The following TRRAP variants were observed in gnomAD, a reference collection of about 807,000 sequenced individuals.
TRRAP encodes transformation/transcription domain-associated protein.
In TRRAP, 41 loss-of-function variants were observed where a neutral mutation model predicts 438.8. The observed-to-expected ratio is 0.09, with a 90% confidence interval of 0.07 to 0.12. The LOEUF is 0.12. Ranked by LOEUF, TRRAP falls within the 10% of genes least tolerant of loss-of-function variation. The pLI is 1.00. For synonymous variants in TRRAP, 1,994 were observed against 1,962.9 expected (o/e 1.02, Z -0.42); for missense variants, 3,122 against 5,055.1 (o/e 0.62, Z 11.60).
chr7:99,000,678 C>T (rs1454441571), intron 67 of TRRAP, among the ~76,000 whole-genome samples: 1 of 152,218 alleles, frequency 6.6e-6, no homozygotes, highest in East Asian at 1.9e-4. Context: ...TCTGCCCCAG[C>T]GCTGGGATCA....
chr7:98,921,306 A>G (rs1209077483), intron 20 of TRRAP, among the ~76,000 whole-genome samples: 2 of 152,192 alleles, frequency 1.3e-5, no homozygotes, highest in African/African-American at 4.8e-5. Context: ...GGTTTCTCCA[A>G]AGAAGGGAGA....
chr7:98,912,745 A>C (rs1789332327), intron 18 of TRRAP, among the ~76,000 whole-genome samples: 1 of 152,096 alleles, frequency 6.6e-6, no homozygotes, highest in Non-Finnish European at 1.5e-5. Flanking sequence ...CTACCTCTCA[A>C]ATATGGTGTG....
rs561554845 is a variant in TRRAP at position 98,919,460 on chromosome 7, G to A, written c.2622+1781G>A. On this transcript the variant is annotated intron_variant, in intron 20 of 72. Transcript: ENST00000456197. The stretch of plus-strand genomic sequence containing the variant: ...TACTAAAAATACAGAAAATTAGCTG[G>A]ATGTGGTGGTACATGCCTGTAGTCC... Among the ~76,000 whole-genome samples, 5 of 152,312 alleles carry A rather than the reference G, an allele frequency of 3.3e-5. No homozygotes were observed. In the South Asian group the frequency reaches 1.0e-3, roughly 32 times the overall value.
intron 70 of TRRAP, among the ~76,000 whole-genome samples, chr7:99,008,989 G>A (rs1000449633): frequency 2.0e-5 from 3 of 152,168 alleles, no homozygotes; most frequent in African/African-American, 7.2e-5. Flanking sequence ...TAGGCGATGT[G>A]CAGCATGTGT....
At chr7:98,896,499 T>G (rs1554405763) in intron 7 of TRRAP, among the ~76,000 whole-genome samples, 1 of 152,080 alleles carries the variant, frequency 6.6e-6, no homozygotes, top group East Asian at 1.9e-4. Flanking sequence ...AGCCTCCACC[T>G]TCTGAGTTCA....
intron 58 of TRRAP, among the ~76,000 whole-genome samples, chr7:98,981,112 T>G (rs1004727289): frequency 6.6e-6 from 1 of 151,744 alleles, no homozygotes; most frequent in Non-Finnish European, 1.5e-5. Context: ...GCTTAAAATG[T>G]GCTGATTGGC....
chr7:98,882,016 A>T lies in TRRAP; in HGVS notation c.142A>T (p.Asn48Tyr). 1 of 1,611,506 alleles carries T rather than the reference A, an allele frequency of 6.2e-7. No homozygotes were observed. Among genetic ancestry groups the T allele is most frequent in the Non-Finnish European group, 8.5e-7 (1 of 1,179,478 alleles). Residue 48 changes from asparagine (N) to tyrosine (Y), a missense_variant, in exon 3 of 73, where the codon AAT becomes TAT. Around this residue, in one of 24 missense-constraint regions of TRRAP, gnomAD observed 343 missense variants for 564.0 expected, o/e 0.61. Transcript: ENST00000456197. ...GAAAATGATGCAAGAAGTTAGTGAA[A>T]ATTTTGAGGTATGAGCATTATATTT... is the stretch of plus-strand genomic sequence containing the variant. ...KLKMMQEVSE[N>Y]FENVTSSPQY...
intron 23 of TRRAP, among the ~76,000 whole-genome samples, chr7:98,929,359 C>T (rs1790217893): frequency 6.6e-6 from 1 of 152,120 alleles, no homozygotes. Context: ...AAGTACTGGG[C>T]TTATTTAATT....
chr7:98,986,982 C>A (rs1793177651), intron 62 of TRRAP, among the ~76,000 whole-genome samples: 1 of 152,118 alleles, frequency 6.6e-6, no homozygotes, highest in Non-Finnish European at 1.5e-5. Flanking sequence ...GGTCTTGACA[C>A]CCTCATCAAA....
chr7:99,011,627 A>G lies in TRRAP; in HGVS notation c.11337+92A>G. 3 of 1,440,482 alleles carry G rather than the reference A, an allele frequency of 2.1e-6. No individual in the cohort carries two copies. Among genetic ancestry groups the G allele is most frequent in the Non-Finnish European group, 2.8e-6 (3 of 1,065,450 alleles). The allele number at this position is 1,440,482 out of a possible 1,614,324, so 89.2% of individuals were successfully genotyped here. On this transcript the variant is annotated intron_variant, in intron 72 of 72. Transcript: ENST00000456197. The surrounding 1 kb of genome is among the most constrained non-coding windows in gnomAD (Gnocchi z 7.1). Reference sequence around the variant, plus strand: ...CTTGCAGGAGCTGCTGATGTGCCTCACGGGCTCTGCGCTCTCCACAGTGGC... The same window carrying G: ...CTTGCAGGAGCTGCTGATGTGCCTCGCGGGCTCTGCGCTCTCCACAGTGGC...
chr7:98,995,229 C>T (rs868864225), intron 67 of TRRAP, among the ~76,000 whole-genome samples: 3 of 151,806 alleles, frequency 2.0e-5, no homozygotes, highest in Non-Finnish European at 4.4e-5. Context: ...CCTGGTGAGC[C>T]GGTGGGAGAT....
Position 98,956,324 on chromosome 7 carries a change from G to T in TRRAP, c.6096+20G>T. 1 of 1,613,876 alleles carries T rather than the reference G, an allele frequency of 6.2e-7. No individual in the cohort carries two copies. The highest frequency in any genetic ancestry group is 8.5e-7 in the Non-Finnish European group (1 of 1,179,804). On this transcript the variant is annotated intron_variant, in intron 42 of 72. Coordinates refer to ENST00000456197, the MANE Select transcript of TRRAP (RefSeq NM_001375524.1). The surrounding 1 kb of genome is among the most constrained non-coding windows in gnomAD (Gnocchi z 4.5). The stretch of plus-strand genomic sequence containing the variant: ...CAGCAGGTAGGGGTGTCAGCCTCAG[G>T]GGTGCCCCGATCGTCTTCCTTTGAC...
At position 99,005,239 on chromosome 7, in the gene TRRAP, C is replaced by T. The variant is rs1312442148; in HGVS notation, c.10644C>T (p.Ala3548=). ...ACCCATACCTCGTCATGAACGACGCCTGCCTCACAGAGTCACGGCGAGAGG... is the reference window on the plus strand; with the variant it reads ...ACCCATACCTCGTCATGAACGACGCTTGCCTCACAGAGTCACGGCGAGAGG... ...KIYPYLVMND[A]CLTESRREER... is the part of the protein sequence containing the mutation. The change falls in exon 69 of 73, where the codon GCC becomes GCT. Residue 3548 remains alanine, a synonymous_variant. Coordinates refer to ENST00000456197, the MANE Select transcript of TRRAP (RefSeq NM_001375524.1). The surrounding 1 kb of genome is among the most constrained non-coding windows in gnomAD (Gnocchi z 5.1). 7 of 1,614,198 alleles carry T rather than the reference C, an allele frequency of 4.3e-6. No homozygotes were observed. The highest frequency in any genetic ancestry group is 5.9e-6 in the Non-Finnish European group (7 of 1,180,042).
intron 3 of TRRAP, among the ~76,000 whole-genome samples, chr7:98,889,877 C>G (rs1381291129): frequency 6.6e-6 from 1 of 152,044 alleles, no homozygotes; most frequent in Non-Finnish European, 1.5e-5. Context: ...CTTTTAAAAT[C>G]AGTACTAGGA....
Position 98,921,782 on chromosome 7 carries a change from T to G in TRRAP, c.2652T>G (p.Ala884=). The change falls in exon 21 of 73, where the codon GCT becomes GCG. Residue 884 remains alanine, a synonymous_variant. Coordinates refer to ENST00000456197, the MANE Select transcript of TRRAP (RefSeq NM_001375524.1). The part of the protein sequence containing the change: ...QALWRTLRNP[A]DSISHVAYRV... Reference sequence around the variant, plus strand: ...TGTGGCGCACCTTACGCAACCCTGCTGACAGCATCTCCCACGTGGCCTACC... The same window carrying G: ...TGTGGCGCACCTTACGCAACCCTGCGGACAGCATCTCCCACGTGGCCTACC... The G allele has an allele frequency of 6.2e-7, 1 of 1,614,214 alleles. No individual in the cohort carries two copies. The highest frequency in any genetic ancestry group is 8.5e-7 in the Non-Finnish European group (1 of 1,180,040).
In TRRAP at chr7:98,880,672, A is replaced by G. The variant is rs75475732; in HGVS notation, c.-61-418A>G. On this transcript the variant is annotated intron_variant, in intron 1 of 72. Coordinates refer to ENST00000456197, the MANE Select transcript of TRRAP (RefSeq NM_001375524.1). ...TAAATGAGAGTTATATGAAATTCAG[A>G]TTTCAGTGTCCATAAATAAAGTTTT... Among the ~76,000 whole-genome samples the G allele has an allele frequency of 3.3e-3, 504 of 152,306 alleles. 2 individuals carry two copies. The highest frequency in any genetic ancestry group is 0.011 in the African/African-American group (464 of 41,568).
intron 69 of TRRAP, among the ~76,000 whole-genome samples, chr7:99,006,786 T>C (rs1015447634): frequency 1.3e-5 from 2 of 152,248 alleles, no homozygotes; most frequent in Non-Finnish European, 2.9e-5. Context: ...CAACAAGATA[T>C]CTGAATATTC....
At chr7:98,918,227 C>CTTTTTTTT (rs71118647) in intron 20 of TRRAP, among the ~76,000 whole-genome samples, 7 of 83,204 alleles carry the variant, frequency 8.4e-5, no homozygotes, top group African/African-American at 1.6e-4. Flanking sequence ...GGGTTATATT[C>CTTTTTTTT]TTTTTTTTTT....
At chr7:98,978,378 A>G (rs1407485640) in intron 57 of TRRAP, 55 bp downstream of exon 57, 15 of 1,472,856 alleles carry the variant, frequency 1.0e-5, no homozygotes, top group Non-Finnish European at 9.4e-7. Context: ...GAACCAGGGA[A>G]AAATCTCTGA....
Sources: gnomAD v4.1 joint callset for allele counts (sites outside exome capture counted in the v4.1 genomes callset) on GRCh38, gnomAD v4.1.1 for gene constraint, gnomAD v4.1.1 regional missense constraint, Gnocchi (gnomAD v3.1) non-coding constraint, MANE v1.5 for transcripts, NCBI Gene and HGNC (gene_info 2026-07-23, HGNC 2026-07-21) for gene names.